Variants in ST6GALNAC3 observed in about 807,000 individuals in gnomAD.
ST6GALNAC3 encodes alpha-N-acetylgalactosaminide alpha-2,6-sialyltransferase 3.
ST6GALNAC3 carries 25 observed loss-of-function variants against 32.7 expected under a neutral mutation model. That is an observed-to-expected ratio of 0.76 (90% CI 0.56 to 1.07). The LOEUF (loss-of-function observed/expected upper bound fraction) is 1.07, where lower values mean the gene tolerates loss of function less well. Among genes scored for constraint, ST6GALNAC3 ranks in the 50% least tolerant of loss-of-function variants. The pLI, the probability that ST6GALNAC3 is intolerant of heterozygous loss-of-function variation, is 0.00. For missense variants in ST6GALNAC3, 355 were observed against 382.4 expected (o/e 0.93, Z 0.60); for synonymous variants, 129 against 133.1 (o/e 0.97, Z 0.21).
chr1:76,192,536 G>T (rs779330950), intron 1 of ST6GALNAC3, among the ~76,000 whole-genome samples: 1 of 152,112 alleles, frequency 6.6e-6, no homozygotes, highest in South Asian at 2.1e-4. Flanking sequence ...AGGTCTCCTC[G>T]ATTGTCTCTG....
intron 3 of ST6GALNAC3, among the ~76,000 whole-genome samples, chr1:76,468,999 T>A (rs1658842669): frequency 6.6e-6 from 1 of 152,014 alleles, no homozygotes; most frequent in African/African-American, 2.4e-5. Context: ...CCCTTGGTGG[T>A]TTAAAAGAGA....
intron 1 of ST6GALNAC3, among the ~76,000 whole-genome samples, chr1:76,192,054 C>T (rs1361105595): frequency 6.6e-6 from 1 of 152,060 alleles, no homozygotes; most frequent in Non-Finnish European, 1.5e-5. Flanking sequence ...TGGTCTCCCC[C>T]TTGTACAATT....
chr1:76,239,595 T>A (rs1046727305), intron 1 of ST6GALNAC3, among the ~76,000 whole-genome samples: 3 of 151,900 alleles, frequency 2.0e-5, no homozygotes, highest in Non-Finnish European at 4.4e-5. Context: ...CAAACAGCTC[T>A]TGCATGAACA....
Position 76,378,101 on chromosome 1 carries a change from C to T in ST6GALNAC3, c.214-33907C>T, listed in dbSNP as rs137980724. On this transcript the variant is annotated intron_variant, in intron 2 of 4. Transcript: ENST00000328299. ...CAGGCCTCTTGGCTCTTGTCCCTAC[C>T]TTAGACTGATGGCCTTGGTATTTGG... 3.9e-5 allele frequency among the ~76,000 whole-genome samples: 6 copies of T among 152,202 alleles called. 1 individual carries two copies. The South Asian group carries it at 8.3e-4, about 21-fold the overall frequency.
chr1:76,076,345 C>T (rs1184267491), intron 1 of ST6GALNAC3, among the ~76,000 whole-genome samples: 1 of 152,180 alleles, frequency 6.6e-6, no homozygotes, highest in Non-Finnish European at 1.5e-5. Context: ...GAATCTGGTC[C>T]AATCTTTCTC....
chr1:76,213,191 A>G (rs1428458505), intron 1 of ST6GALNAC3, among the ~76,000 whole-genome samples: 5 of 152,286 alleles, frequency 3.3e-5, no homozygotes, highest in Admixed American at 1.3e-4. Flanking sequence ...GATTCTGGCC[A>G]ATGGGATCTG....
chr1:76,144,472 C>G (rs1054727833), intron 1 of ST6GALNAC3, among the ~76,000 whole-genome samples: 10 of 152,174 alleles, frequency 6.6e-5, no homozygotes, highest in Non-Finnish European at 1.2e-4. Context: ...TGGCCTGTTT[C>G]TTGTTCACTC....
chr1:76,221,562 C>G (rs541497079), intron 1 of ST6GALNAC3, among the ~76,000 whole-genome samples: 26 of 152,152 alleles, frequency 1.7e-4, no homozygotes, highest in Non-Finnish European at 3.1e-4. Context: ...GAGAATGTAT[C>G]ATTCAGACCA....
chr1:76,368,433 A>G (rs1234629803), intron 2 of ST6GALNAC3, among the ~76,000 whole-genome samples: 1 of 151,316 alleles, frequency 6.6e-6, no homozygotes, highest in Admixed American at 6.6e-5. Context: ...AGCTATTAGC[A>G]GAGGTTATTT....
rs1444218506 is a variant in ST6GALNAC3 at position 76,364,721 on chromosome 1, T to C, written c.214-47287T>C. Among the ~76,000 whole-genome samples, 5 of 151,286 alleles carry C rather than the reference T, an allele frequency of 3.3e-5. No individual in the cohort carries two copies. In the East Asian group the frequency reaches 9.7e-4, roughly 29 times the overall value. On this transcript the variant is annotated intron_variant, in intron 2 of 4. Transcript: ENST00000328299. ...AAGACATACAAGTGGCCAAGAAACA[T>C]ATGAAAAAATGCTCAATATCACTAA...
chr1:76,441,090 A>AAAAAG, intron 3 of ST6GALNAC3, among the ~76,000 whole-genome samples: 1 of 104,938 alleles, frequency 9.5e-6, no homozygotes, highest in African/African-American at 5.6e-5. Flanking sequence ...TATGTCTCCA[A>AAAAAG]AAAAAAAAAA....
At chr1:76,279,187 G>A (rs1659356665) in intron 1 of ST6GALNAC3, among the ~76,000 whole-genome samples, 1 of 152,180 alleles carries the variant, frequency 6.6e-6, no homozygotes, top group Non-Finnish European at 1.5e-5. Flanking sequence ...CCAGGCAGGG[G>A]AACTGAAATT....
intron 3 of ST6GALNAC3, among the ~76,000 whole-genome samples, chr1:76,567,399 G>T (rs1665616093): frequency 6.6e-6 from 1 of 152,080 alleles, no homozygotes; most frequent in Non-Finnish European, 1.5e-5. Context: ...AAAAAGGGAG[G>T]ACTACCAGTT....
intron 2 of ST6GALNAC3, among the ~76,000 whole-genome samples, chr1:76,352,591 T>C (rs1416388348): frequency 6.6e-6 from 1 of 151,362 alleles, no homozygotes; most frequent in Non-Finnish European, 1.5e-5. Context: ...CTGCATTTTA[T>C]TCCTGAATGA....
At chr1:76,411,898 T>C in intron 2 of ST6GALNAC3, 110 bp from the exon 3 acceptor site, 7 of 1,196,072 alleles carry the variant, frequency 5.9e-6, no homozygotes, top group Non-Finnish European at 8.1e-6. Flanking sequence ...ACTTCAGAGA[T>C]ATTTCCATAT....
At chr1:76,278,127 T>C (rs1659276925) in intron 1 of ST6GALNAC3, among the ~76,000 whole-genome samples, 1 of 152,146 alleles carries the variant, frequency 6.6e-6, no homozygotes. Flanking sequence ...TATCTATATT[T>C]CTATCCAAAT....
At chr1:76,574,406 G>T (rs1173032179) in intron 3 of ST6GALNAC3, among the ~76,000 whole-genome samples, 6 of 151,930 alleles carry the variant, frequency 3.9e-5, no homozygotes, top group African/African-American at 1.4e-4. Flanking sequence ...AATTTAAATG[G>T]TCTACCTTCT....
rs111835147 is a variant in ST6GALNAC3, at chr1:76,156,917, C to G, written c.18+82033C>G. The stretch of plus-strand genomic sequence containing the variant: ...CGGCTAATTTTTTGTCTTTTTAGTA[C>G]AGACGGGGTTTCACCGTGTTAGCCA... On this transcript the variant is annotated intron_variant, in intron 1 of 4. Coordinates refer to ENST00000328299, the MANE Select transcript of ST6GALNAC3 (RefSeq NM_152996.4). Among the ~76,000 whole-genome samples the G allele has an allele frequency of 1.9e-3, 296 of 152,258 alleles. 1 individual carries two copies. Among genetic ancestry groups the G allele is most frequent in the South Asian group, 8.5e-3 (41 of 4,822 alleles).
At chr1:76,272,349 A>G (rs1370394193) in intron 1 of ST6GALNAC3, among the ~76,000 whole-genome samples, 3 of 148,562 alleles carry the variant, frequency 2.0e-5, no homozygotes, top group Non-Finnish European at 4.5e-5. Flanking sequence ...AAAAAAATTA[A>G]AACACCGTTC....
Sources: gnomAD v4.1 joint callset for allele counts (sites outside exome capture counted in the v4.1 genomes callset) on GRCh38, gnomAD v4.1.1 for gene constraint, MANE v1.5 for transcripts, NCBI Gene and HGNC (gene_info 2026-07-23, HGNC 2026-07-21) for gene names.